KCNJ6: variants seen among roughly 807,000 people sequenced by gnomAD.
The protein encoded by KCNJ6 is G protein-activated inward rectifier potassium channel 2.
In KCNJ6, 9 loss-of-function variants were observed where a neutral mutation model predicts 34.2. The observed-to-expected ratio is 0.26, with a 90% confidence interval of 0.16 to 0.46. The LOEUF (loss-of-function observed/expected upper bound fraction) is 0.46, where lower values mean the gene tolerates loss of function less well. Ranked by LOEUF, KCNJ6 falls within the 20% of genes least tolerant of loss-of-function variation. The pLI, the probability that KCNJ6 is intolerant of heterozygous loss-of-function variation, is 1.00. For synonymous variants in KCNJ6, 196 were observed against 207.1 expected (o/e 0.95, Z 0.46); for missense variants, 236 against 531.3 (o/e 0.44, Z 5.46).
chr21:37,628,531 A>G (rs2054320551), intron 3 of KCNJ6, among the ~76,000 whole-genome samples: 1 of 152,214 alleles, frequency 6.6e-6, no homozygotes, highest in Admixed American at 6.5e-5. Context: ...ACAGTGCCTC[A>G]GAGACCTGTG....
rs1351361766 is a variant in KCNJ6 at position 37,607,601 on chromosome 21, T to C, written c.*17558A>G. 6.6e-6 allele frequency: 1 copy of C among 151,740 alleles called. No homozygotes were observed. The highest frequency in any genetic ancestry group is 2.4e-5 in the African/African-American group (1 of 41,304). 9.4% of individuals were successfully genotyped at this position (151,740 alleles called of 1,614,324 possible). ...GTGCACAGACATACTTGGAGTTGAG[T>C]AAAGGGAGTTACAAAAGGACCAAAA... On this transcript the variant is annotated 3_prime_UTR_variant, in exon 4 of 4. Transcript: ENST00000609713.
chr21:37,915,040 CT>C (rs1477035140), intron 1 of KCNJ6, among the ~76,000 whole-genome samples: 1 of 152,064 alleles, frequency 6.6e-6, no homozygotes, highest in Non-Finnish European at 1.5e-5. Context: ...TATTTTCCCC[CT>C]GACAATCTCT....
chr21:37,630,803 C>G (rs560154299), intron 3 of KCNJ6, among the ~76,000 whole-genome samples: 1 of 152,202 alleles, frequency 6.6e-6, no homozygotes, highest in South Asian at 2.1e-4. Flanking sequence ...AAAATCTACT[C>G]TTAGCAATTT....
chr21:37,751,019 C>G (rs1039853037), intron 2 of KCNJ6, among the ~76,000 whole-genome samples: 2 of 152,150 alleles, frequency 1.3e-5, no homozygotes, highest in African/African-American at 4.8e-5. Context: ...ACTACAAGGC[C>G]TCTGAAATGA....
At chr21:37,634,815 G>A (rs1468758538) in intron 3 of KCNJ6, among the ~76,000 whole-genome samples, 2 of 150,228 alleles carry the variant, frequency 1.3e-5, no homozygotes, top group Non-Finnish European at 2.9e-5. Flanking sequence ...CTGGAGTGCA[G>A]TGGCATGATC....
At chr21:37,899,071 G>C (rs2123643140) in intron 1 of KCNJ6, among the ~76,000 whole-genome samples, 1 of 152,260 alleles carries the variant, frequency 6.6e-6, no homozygotes. Flanking sequence ...CTTCTGTTAA[G>C]AAGTAAAGGC....
chr21:37,906,422 C>T (rs1213100613), intron 1 of KCNJ6, among the ~76,000 whole-genome samples: 2 of 152,182 alleles, frequency 1.3e-5, no homozygotes, highest in Admixed American at 6.5e-5. Context: ...CTGGGTTCCT[C>T]CTTAAAGCAG....
At chr21:37,896,437 A>AGAT (rs1169710083) in intron 1 of KCNJ6, among the ~76,000 whole-genome samples, 2 of 152,126 alleles carry the variant, frequency 1.3e-5, no homozygotes, top group African/African-American at 4.8e-5. Context: ...TTTCCACCTG[A>AGAT]GATGACCAGG....
At chr21:37,833,673 T>C (rs1047246330) in intron 2 of KCNJ6, among the ~76,000 whole-genome samples, 1 of 152,176 alleles carries the variant, frequency 6.6e-6, no homozygotes, top group East Asian at 1.9e-4. Context: ...TAAACGTGTG[T>C]GCATATGCAT....
intron 1 of KCNJ6, among the ~76,000 whole-genome samples, chr21:37,897,144 G>C (rs1470529571): frequency 6.6e-6 from 1 of 152,160 alleles, no homozygotes; most frequent in African/African-American, 2.4e-5. Context: ...GTATAACTGG[G>C]TTCTCTCCAT....
At chr21:37,662,891 C>T (rs905111181) in intron 3 of KCNJ6, among the ~76,000 whole-genome samples, 4 of 152,166 alleles carry the variant, frequency 2.6e-5, no homozygotes, top group African/African-American at 9.7e-5. Context: ...GTATGTTCAT[C>T]AGCCACATAA....
chr21:37,809,001 T>C (rs779372423), intron 2 of KCNJ6, among the ~76,000 whole-genome samples: 12 of 152,194 alleles, frequency 7.9e-5, no homozygotes, highest in Non-Finnish European at 1.2e-4. Flanking sequence ...GAAATACCAT[T>C]TGACCCAGCC....
intron 2 of KCNJ6, among the ~76,000 whole-genome samples, chr21:37,832,397 C>G (rs1265402368): frequency 6.6e-6 from 1 of 152,036 alleles, no homozygotes; most frequent in African/African-American, 2.4e-5. Context: ...CGTGAGGTGA[C>G]ACAACGTCTT....
rs974289394 is a variant in KCNJ6 at position 37,620,477 on chromosome 21, A to T, written c.*4682T>A. 6.6e-6 allele frequency: 1 copy of T among 152,058 alleles called. No individual in the cohort carries two copies. Among genetic ancestry groups the T allele is most frequent in the Admixed American group, 6.5e-5 (1 of 15,280 alleles). 9.4% of individuals were successfully genotyped at this position (152,058 alleles called of 1,614,324 possible). A position where few individuals can be genotyped will look rare whatever the true frequency, so the allele number is the denominator to read the frequency against. ...TTCTTCTTTTCTTTTTTTTCCCCCA[A>T]TTATTAAAAAATGTAAAAATTGCTC... On this transcript the variant is annotated 3_prime_UTR_variant, in exon 4 of 4. Coordinates refer to ENST00000609713, the MANE Select transcript of KCNJ6 (RefSeq NM_002240.5).
intron 2 of KCNJ6, among the ~76,000 whole-genome samples, chr21:37,798,957 A>C (rs1435368733): frequency 6.6e-6 from 1 of 152,184 alleles, no homozygotes; most frequent in East Asian, 1.9e-4. Flanking sequence ...ACACATGTGC[A>C]GGTTTGTTAT....
intron 2 of KCNJ6, among the ~76,000 whole-genome samples, chr21:37,838,630 C>T (rs2055463798): frequency 6.6e-6 from 1 of 152,164 alleles, no homozygotes; most frequent in Non-Finnish European, 1.5e-5. Context: ...TGATAAGGCC[C>T]ACGGATCCAC....
At chr21:37,705,326 GC>G (rs1373941298) in intron 3 of KCNJ6, among the ~76,000 whole-genome samples, 1 of 152,134 alleles carries the variant, frequency 6.6e-6, no homozygotes, top group Non-Finnish European at 1.5e-5. Flanking sequence ...GGTGACCTTG[GC>G]CAAGTTACTG....
chr21:37,779,008 T>C (rs1213814292), intron 2 of KCNJ6, among the ~76,000 whole-genome samples: 3 of 152,100 alleles, frequency 2.0e-5, no homozygotes, highest in African/African-American at 7.2e-5. Flanking sequence ...CAAGTGCACA[T>C]CTATTGCTTC....
At chr21:37,690,781 CTTT>C (rs796532358) in intron 3 of KCNJ6, among the ~76,000 whole-genome samples, 14 of 136,536 alleles carry the variant, frequency 1.0e-4, no homozygotes, top group African/African-American at 8.3e-5. Flanking sequence ...TTTTTCTTTT[CTTT>C]TTTTTTTTTT....
Sources: gnomAD v4.1 joint callset for allele counts (sites outside exome capture counted in the v4.1 genomes callset) on GRCh38, gnomAD v4.1.1 for gene constraint, MANE v1.5 for transcripts, NCBI Gene and HGNC (gene_info 2026-07-23, HGNC 2026-07-21) for gene names.